Variants in SLC7A14 observed in about 807,000 individuals in gnomAD.
SLC7A14 encodes solute carrier family 7 member 14.
SLC7A14 carries 37 observed loss-of-function variants against 60.2 expected under a neutral mutation model. That is an observed-to-expected ratio of 0.61 (90% CI 0.47 to 0.81). SLC7A14 has a LOEUF of 0.81. Ranked by LOEUF, SLC7A14 falls within the 30% of genes least tolerant of loss-of-function variation. The probability of loss-of-function intolerance (pLI) is 0.00; values close to 1 mark genes in which losing one functional copy is unlikely to be tolerated. For synonymous variants in SLC7A14, 399 were observed against 395.8 expected (o/e 1.01, Z -0.10); for missense variants, 886 against 982.7 (o/e 0.90, Z 1.32).
intron 1 of SLC7A14, among the ~76,000 whole-genome samples, chr3:170,541,906 A>C (rs1714028498): frequency 6.6e-6 from 1 of 152,242 alleles, no homozygotes; most frequent in Non-Finnish European, 1.5e-5. Context: ...AACAAAACAC[A>C]GAAGCTCCCA....
chr3:170,481,232 A>G lies in SLC7A14; in HGVS notation c.1116-66T>C. Reference sequence around the variant, plus strand: ...AGTGACCGATTCCAGTGCAGCCAACATAGGGAGCTAGAACTATCAATAGGC... The same window carrying G: ...AGTGACCGATTCCAGTGCAGCCAACGTAGGGAGCTAGAACTATCAATAGGC... On this transcript the variant is annotated intron_variant, in intron 6 of 7. Coordinates refer to ENST00000231706, the MANE Select transcript of SLC7A14 (RefSeq NM_020949.3). 12 of 1,507,224 alleles carry G rather than the reference A, an allele frequency of 8.0e-6. No individual in the cohort carries two copies. In the South Asian group the frequency reaches 1.3e-4, roughly 17 times the overall value. The allele number at this position is 1,507,224 out of a possible 1,614,324, so 93.4% of individuals were successfully genotyped here.
chr3:170,584,937 T>TG (rs1351176511), intron 1 of SLC7A14, among the ~76,000 whole-genome samples: 2 of 151,888 alleles, frequency 1.3e-5, no homozygotes, highest in Admixed American at 1.3e-4. Flanking sequence ...TTCACACAGG[T>TG]GGGGGGATGA....
chr3:170,462,182 C>T lies in SLC7A14; in HGVS notation c.*4873G>A, dbSNP rs1384730742. ...GGACTTTCCTCTGACATCTTGGGCC[C>T]CTGGTAAAACCTAGTGCGAAAGGGG... On this transcript the variant is annotated 3_prime_UTR_variant, in exon 8 of 8. Coordinates refer to ENST00000231706, the MANE Select transcript of SLC7A14 (RefSeq NM_020949.3). 1 of 152,146 alleles carries T rather than the reference C, an allele frequency of 6.6e-6. No homozygotes were observed. Among genetic ancestry groups the T allele is most frequent in the Non-Finnish European group, 1.5e-5 (1 of 68,032 alleles). 9.4% of individuals were successfully genotyped at this position (152,146 alleles called of 1,614,324 possible).
chr3:170,557,541 T>C (rs1266333772), intron 1 of SLC7A14, among the ~76,000 whole-genome samples: 2 of 152,174 alleles, frequency 1.3e-5, no homozygotes, highest in African/African-American at 4.8e-5. Context: ...TATCTTTGAA[T>C]TGGAAGATGT....
chr3:170,553,139 G>T (rs1239113860), intron 1 of SLC7A14, among the ~76,000 whole-genome samples: 3 of 152,150 alleles, frequency 2.0e-5, no homozygotes, highest in Non-Finnish European at 4.4e-5. Context: ...CACAAGAGCT[G>T]GATTCTCTTT....
chr3:170,507,699 G>A (rs1712824864), intron 2 of SLC7A14, among the ~76,000 whole-genome samples: 1 of 152,316 alleles, frequency 6.6e-6, no homozygotes, highest in African/African-American at 2.4e-5. Context: ...AGCTGAAAAG[G>A]ACTGTACAGT....
intron 2 of SLC7A14, among the ~76,000 whole-genome samples, chr3:170,509,319 C>G (rs1712891542): frequency 6.6e-6 from 1 of 152,158 alleles, no homozygotes; most frequent in Non-Finnish European, 1.5e-5. Context: ...CATCATTAAT[C>G]AGGGGTGTAT....
intron 4 of SLC7A14, among the ~76,000 whole-genome samples, chr3:170,486,843 G>A (rs1003969187): frequency 6.9e-6 from 1 of 144,300 alleles, no homozygotes; most frequent in Non-Finnish European, 1.5e-5. Flanking sequence ...TTGCACTCCA[G>A]CCTCGGCGAC....
rs777440997 is a variant in SLC7A14, at chr3:170,480,568, G to A, written c.1714C>T (p.Leu572Phe). ...GHTVTICVLL[L>F]FILMFIFCSF... ...CAGAAGATGAACATGAGGATGAAGAGCAGGAGCACGCAGATGGTCACCGTG... is the reference window on the plus strand; with the variant it reads ...CAGAAGATGAACATGAGGATGAAGAACAGGAGCACGCAGATGGTCACCGTG... The change falls in exon 7 of 8, where the codon CTC becomes TTC. Residue 572 changes from leucine (L) to phenylalanine (F), a missense_variant. Transcript: ENST00000231706. 1.2e-6 allele frequency: 2 copies of A among 1,614,230 alleles called. No homozygotes were observed. Among genetic ancestry groups the A allele is most frequent in the South Asian group, 2.2e-5 (2 of 91,086 alleles).
At chr3:170,527,512 C>T (rs948310290) in intron 1 of SLC7A14, among the ~76,000 whole-genome samples, 3 of 152,210 alleles carry the variant, frequency 2.0e-5, no homozygotes, top group Non-Finnish European at 2.9e-5. Flanking sequence ...CTACCTCTTA[C>T]TTTGCCAATA....
intron 7 of SLC7A14, among the ~76,000 whole-genome samples, chr3:170,478,398 T>C (rs146041253): frequency 1.4e-5 from 2 of 144,162 alleles, no homozygotes; most frequent in Non-Finnish European, 3.1e-5. Flanking sequence ...AAATGTGTTA[T>C]AAAAATTGGT....
intron 1 of SLC7A14, among the ~76,000 whole-genome samples, chr3:170,550,502 C>A (rs1243242233): frequency 1.4e-5 from 1 of 71,710 alleles, no homozygotes; most frequent in Non-Finnish European, 2.5e-5. Flanking sequence ...CTAATGCCAT[C>A]TTTCCTTGAA....
intron 4 of SLC7A14, chr3:170,496,042 A>C (rs1408310288): frequency 8.0e-7 from 1 of 1,255,646 alleles, no homozygotes; most frequent in Non-Finnish European, 1.2e-6. Flanking sequence ...GATGAAGCTT[A>C]CATGAACAAG....
intron 2 of SLC7A14, among the ~76,000 whole-genome samples, chr3:170,518,745 G>T (rs898829078): frequency 9.9e-5 from 15 of 152,178 alleles, no homozygotes; most frequent in African/African-American, 3.1e-4. Context: ...GGGTGATGAA[G>T]AAATAACTGC....
chr3:170,494,440 CT>C (rs1326793897), intron 4 of SLC7A14, among the ~76,000 whole-genome samples: 5 of 152,216 alleles, frequency 3.3e-5, no homozygotes, highest in African/African-American at 9.7e-5. Flanking sequence ...ATGAGGCAGG[CT>C]CCTGATTGAG....
At chr3:170,567,618 CCCA>C (rs1359548538) in intron 1 of SLC7A14, among the ~76,000 whole-genome samples, 1 of 149,722 alleles carries the variant, frequency 6.7e-6, no homozygotes, top group East Asian at 2.0e-4. Context: ...AGTTTACAGT[CCCA>C]CCAACAGTGT....
intron 1 of SLC7A14, among the ~76,000 whole-genome samples, chr3:170,576,893 AG>A (rs1482478650): frequency 6.6e-6 from 1 of 152,216 alleles, no homozygotes; most frequent in Non-Finnish European, 1.5e-5. Flanking sequence ...CCTCAGGTTG[AG>A]GACCATTAAT....
chr3:170,471,191 G>A (rs2108264013), intron 7 of SLC7A14, among the ~76,000 whole-genome samples: 1 of 151,944 alleles, frequency 6.6e-6, no homozygotes, highest in South Asian at 2.1e-4. Flanking sequence ...CATAAGGGAA[G>A]GTCCACAGCC....
chr3:170,568,769 A>G (rs1407680278), intron 1 of SLC7A14, among the ~76,000 whole-genome samples: 17 of 151,828 alleles, frequency 1.1e-4, no homozygotes, highest in African/African-American at 9.7e-5. Flanking sequence ...TCTCTTTGAA[A>G]CAATTGTGAA....
Sources: allele counts gnomAD v4.1 joint callset (sites outside exome capture counted in the v4.1 genomes callset), GRCh38; gene constraint gnomAD v4.1.1; transcripts MANE v1.5; gene names NCBI Gene and HGNC (gene_info 2026-07-23, HGNC 2026-07-21).